FNBP1L: variants seen among roughly 807,000 people sequenced by gnomAD.
FNBP1L encodes formin binding protein 1 like.
A neutral mutation model predicts 91.2 loss-of-function variants in FNBP1L; 36 were observed. The observed-to-expected ratio is 0.39, with a 90% confidence interval of 0.30 to 0.52. FNBP1L has a LOEUF of 0.52. Among genes scored for constraint, FNBP1L ranks in the 20% least tolerant of loss-of-function variants. FNBP1L has a pLI of 0.66. For missense variants in FNBP1L, 571 were observed against 732.1 expected (o/e 0.78, Z 2.54); for synonymous variants, 242 against 237.0 (o/e 1.02, Z -0.19).
At chr1:93,550,206 A>G (rs1672361901) in intron 15 of FNBP1L, among the ~76,000 whole-genome samples, 1 of 152,170 alleles carries the variant, frequency 6.6e-6, no homozygotes, top group South Asian at 2.1e-4. Flanking sequence ...CCTTGCAGCC[A>G]AGTGCAGTGA....
chr1:93,487,893 A>G (rs1181776739), intron 1 of FNBP1L, among the ~76,000 whole-genome samples: 1 of 152,196 alleles, frequency 6.6e-6, no homozygotes, highest in African/African-American at 2.4e-5. Context: ...CAGGACCACT[A>G]CTATTAATTC....
intron 1 of FNBP1L, among the ~76,000 whole-genome samples, chr1:93,458,098 G>A (rs1668733326): frequency 6.6e-6 from 1 of 151,668 alleles, no homozygotes; most frequent in Non-Finnish European, 1.5e-5. Context: ...CCGGAAACAG[G>A]AATTTCTTAT....
chr1:93,500,291 A>G (rs1051615096), intron 2 of FNBP1L, among the ~76,000 whole-genome samples: 14 of 152,204 alleles, frequency 9.2e-5, no homozygotes, highest in African/African-American at 2.7e-4. Flanking sequence ...TCAGGGGTCA[A>G]ATAATCTTCA....
At chr1:93,464,886 G>T (rs1669020143) in intron 1 of FNBP1L, among the ~76,000 whole-genome samples, 1 of 152,070 alleles carries the variant, frequency 6.6e-6, no homozygotes, top group African/African-American at 2.4e-5. Flanking sequence ...CTCCAGAAAT[G>T]ATTTCTATTA....
chr1:93,521,025 CAGTG>C (rs1671303907), intron 2 of FNBP1L, among the ~76,000 whole-genome samples: 1 of 149,570 alleles, frequency 6.7e-6, no homozygotes, highest in South Asian at 2.2e-4. Flanking sequence ...CTGGGCGACA[CAGTG>C]AGACTCCATC....
chr1:93,480,837 C>T (rs955827899), intron 1 of FNBP1L, among the ~76,000 whole-genome samples: 2 of 152,286 alleles, frequency 1.3e-5, no homozygotes, highest in South Asian at 2.1e-4. Context: ...GCTGGGATTA[C>T]AGGCGTGAGC....
intron 1 of FNBP1L, among the ~76,000 whole-genome samples, chr1:93,457,026 T>A (rs1668692917): frequency 6.6e-6 from 1 of 152,054 alleles, no homozygotes; most frequent in African/African-American, 2.4e-5. Flanking sequence ...GTAGCAGGAC[T>A]ACAGGTGCTT....
chr1:93,538,072 T>C (rs1671903412), intron 10 of FNBP1L, among the ~76,000 whole-genome samples: 2 of 152,082 alleles, frequency 1.3e-5, no homozygotes. Flanking sequence ...TTTGTAATCA[T>C]TTGTATATCC....
chr1:93,497,164 G>A (rs763542401), intron 1 of FNBP1L, among the ~76,000 whole-genome samples: 4 of 152,042 alleles, frequency 2.6e-5, no homozygotes, highest in South Asian at 4.2e-4. Flanking sequence ...GGGTTTCACC[G>A]TGTTAGCCAG....
At chr1:93,463,150 AT>A (rs1377861170) in intron 1 of FNBP1L, among the ~76,000 whole-genome samples, 1 of 152,152 alleles carries the variant, frequency 6.6e-6, no homozygotes, top group Non-Finnish European at 1.5e-5. Flanking sequence ...ACTGCCATCA[AT>A]AAGGATTTTC....
At chr1:93,551,142 T>C (rs1215455824) in intron 16 of FNBP1L, 37 bp downstream of exon 16, 2 of 1,540,222 alleles carry the variant, frequency 1.3e-6, no homozygotes, top group African/African-American at 1.4e-5. Context: ...CAGGCACCTT[T>C]GTGCCATGTG....
chr1:93,504,007 C>T (rs183168259), intron 2 of FNBP1L, among the ~76,000 whole-genome samples: 42 of 152,210 alleles, frequency 2.8e-4, no homozygotes, highest in African/African-American at 9.9e-4. Flanking sequence ...GGCTGGAAGA[C>T]AGGAAGTGCA....
intron 1 of FNBP1L, among the ~76,000 whole-genome samples, chr1:93,467,218 G>A (rs761000231): frequency 6.6e-6 from 1 of 152,118 alleles, no homozygotes; most frequent in Non-Finnish European, 1.5e-5. Context: ...ATTGACAATA[G>A]CTAAAAAATG....
chr1:93,479,990 T>C (rs969964159), intron 1 of FNBP1L, among the ~76,000 whole-genome samples: 1 of 152,140 alleles, frequency 6.6e-6, no homozygotes, highest in African/African-American at 2.4e-5. Flanking sequence ...GTCCAGGAAA[T>C]CTTCACAATT....
intron 1 of FNBP1L, among the ~76,000 whole-genome samples, chr1:93,467,126 G>A (rs772799979): frequency 1.3e-5 from 2 of 152,204 alleles, no homozygotes; most frequent in Non-Finnish European, 2.9e-5. Flanking sequence ...CAAAGTGCTG[G>A]AATTACAAGC....
chr1:93,458,887 T>C (rs966713697), intron 1 of FNBP1L, among the ~76,000 whole-genome samples: 5 of 152,238 alleles, frequency 3.3e-5, no homozygotes, highest in Admixed American at 1.3e-4. Flanking sequence ...AATTGAACTT[T>C]ATGGCAAGTA....
At chr1:93,499,788 G>C (rs1267076842) in intron 2 of FNBP1L, among the ~76,000 whole-genome samples, 1 of 152,164 alleles carries the variant, frequency 6.6e-6, no homozygotes, top group Non-Finnish European at 1.5e-5. Flanking sequence ...ATCACAAATA[G>C]CTTTCATTCC....
chr1:93,538,204 A>C (rs1255297214), intron 10 of FNBP1L, among the ~76,000 whole-genome samples: 2 of 151,670 alleles, frequency 1.3e-5, no homozygotes, highest in South Asian at 2.1e-4. Flanking sequence ...GAAAAAAAAA[A>C]CTCAGGCAAT....
At chr1:93,542,417 A>C (rs560142014) in intron 11 of FNBP1L, among the ~76,000 whole-genome samples, 3 of 132,364 alleles carry the variant, frequency 2.3e-5, no homozygotes, top group East Asian at 4.8e-4. Flanking sequence ...GTTGATTGAT[A>C]TCCTTGTTTC....
Sources: gnomAD v4.1 joint callset for allele counts (sites outside exome capture counted in the v4.1 genomes callset) on GRCh38, gnomAD v4.1.1 for gene constraint, MANE v1.5 for transcripts, NCBI Gene and HGNC (gene_info 2026-07-23, HGNC 2026-07-21) for gene names.